HM13: variants seen among roughly 807,000 people sequenced by gnomAD.
HM13 encodes the protein histocompatibility minor 13.
HM13 carries 18 observed loss-of-function variants against 50.0 expected under a neutral mutation model. The observed-to-expected ratio is 0.36, with a 90% CI of 0.25 to 0.53. The LOEUF is 0.53. Among genes scored for constraint, HM13 ranks in the 20% least tolerant of loss-of-function variants. The pLI is 0.90. For synonymous variants in HM13, 197 were observed against 232.6 expected, an observed-to-expected ratio of 0.85 and a Z score of 1.39; for missense variants, 393 against 552.4, an observed-to-expected ratio of 0.71 and a Z score of 2.89.
intron 3 of HM13, among the ~76,000 whole-genome samples, chr20:31,542,020 T>C (rs1383354890): frequency 1.3e-5 from 2 of 152,220 alleles, no homozygotes; most frequent in Non-Finnish European, 2.9e-5. Context: ...GCTGGCCACC[T>C]CCTGCCATTG....
chr20:31,524,001 C>G (rs1982334357), intron 1 of HM13, among the ~76,000 whole-genome samples: 1 of 152,220 alleles, frequency 6.6e-6, no homozygotes, highest in South Asian at 2.1e-4. Context: ...CTCACCTCTC[C>G]CTGATAGTCA....
At chr20:31,520,939 G>A (rs1051624004) in intron 1 of HM13, among the ~76,000 whole-genome samples, 5 of 152,184 alleles carry the variant, frequency 3.3e-5, no homozygotes, top group Non-Finnish European at 7.3e-5. Context: ...ATGGCTTGAA[G>A]CAGGCATCTG....
chr20:31,550,233 C>T, intron 7 of HM13, 112 bp downstream of exon 7: 2 of 776,594 alleles, frequency 2.6e-6, no homozygotes, highest in East Asian at 4.9e-5. Context: ...GTACCTCTTC[C>T]TCCTGTGGCT....
At chr20:31,518,952 CA>C (rs1174950902) in intron 1 of HM13, among the ~76,000 whole-genome samples, 4 of 152,092 alleles carry the variant, frequency 2.6e-5, no homozygotes, top group African/African-American at 9.6e-5. Context: ...TCAAAAGGTA[CA>C]AAGGGGTGCA....
At chr20:31,529,193 C>T (rs1334532699) in intron 2 of HM13, among the ~76,000 whole-genome samples, 2 of 150,712 alleles carry the variant, frequency 1.3e-5, no homozygotes. Flanking sequence ...TCCTTGGCCT[C>T]CTGAAGCACT....
At chr20:31,568,401 A>T (rs1985055672) in intron 12 of HM13, 177 bp downstream of exon 12, 1 of 897,328 alleles carries the variant, frequency 1.1e-6, no homozygotes. Context: ...GCTGGGAAGC[A>T]GGACAACCCC....
intron 8 of HM13, among the ~76,000 whole-genome samples, chr20:31,558,317 G>A (rs79645489): frequency 0.011 from 1,612 of 152,112 alleles, 13 homozygotes; most frequent in Middle Eastern, 0.02. Flanking sequence ...CTCCAGCCAC[G>A]CACTGCCACA....
chr20:31,547,925 A>G, intron 4 of HM13: 1 of 1,249,196 alleles, frequency 8.0e-7, no homozygotes, highest in South Asian at 1.2e-5. Flanking sequence ...GGAAAACAGC[A>G]TGCTCTGTGT....
intron 3 of HM13, among the ~76,000 whole-genome samples, chr20:31,544,497 GTCA>G (rs1983608211): frequency 6.6e-6 from 1 of 152,196 alleles, no homozygotes; most frequent in Non-Finnish European, 1.5e-5. Context: ...AGAATGTCAA[GTCA>G]TGGAGTGGGG....
chr20:31,559,446 G>C (rs1406208362), intron 8 of HM13, among the ~76,000 whole-genome samples, 165 bp from the exon 9 acceptor site: 2 of 152,204 alleles, frequency 1.3e-5, no homozygotes, highest in Non-Finnish European at 2.9e-5. Context: ...GTTCTAGGTA[G>C]AGAAATGGGA....
At chr20:31,550,242 C>A in intron 7 of HM13, 121 bp downstream of exon 7, 2 of 753,512 alleles carry the variant, frequency 2.7e-6, no homozygotes, top group Non-Finnish European at 4.8e-6. Context: ...CCTCCTGTGG[C>A]TCCCCAGCCT....
chr20:31,538,938 G>T, intron 3 of HM13: 1 of 410,220 alleles, frequency 2.4e-6, no homozygotes, highest in Non-Finnish European at 3.3e-6. Flanking sequence ...GGTTGCTTTT[G>T]CTTTCACACC....
intron 5 of HM13, 22 bp from the exon 6 acceptor site, chr20:31,549,185 T>C (rs1204194027): frequency 6.2e-7 from 1 of 1,614,040 alleles, no homozygotes; most frequent in Non-Finnish European, 8.5e-7. Context: ...AGCAAGCTGG[T>C]CTCACTCCCC....
intron 2 of HM13, among the ~76,000 whole-genome samples, chr20:31,534,786 G>GA (rs1224249357): frequency 4.8e-5 from 7 of 147,308 alleles, no homozygotes; most frequent in African/African-American, 1.0e-4. Context: ...TGTTTCGAAA[G>GA]AAAAAAAAGA....
chr20:31,521,263 C>G (rs527904315), intron 1 of HM13, among the ~76,000 whole-genome samples: 2 of 152,126 alleles, frequency 1.3e-5, no homozygotes, highest in South Asian at 4.1e-4. Context: ...CCGAAATTTC[C>G]AGATAGGAAA....
chr20:31,548,949 G>T (rs760830612), intron 4 of HM13, 80 bp from the exon 5 acceptor site: 1 of 1,226,424 alleles, frequency 8.2e-7, no homozygotes, highest in Non-Finnish European at 1.2e-6. Flanking sequence ...CCACAGCCAT[G>T]CCCTCCTCCG....
In HM13 at chr20:31,546,754, C is replaced by CA. The variant is rs542344354; in HGVS notation, c.454+1735dup. Among the ~76,000 whole-genome samples, 1,015 of 116,746 alleles carry CA rather than the reference C, an allele frequency of 8.7e-3. 9 individuals carry two copies. Among genetic ancestry groups the CA allele is most frequent in the East Asian group, 0.023 (81 of 3,510 alleles). 76.6% of individuals were successfully genotyped at this position (116,746 alleles called of 152,430 possible). The stretch of plus-strand genomic sequence containing the variant: ...AGGGCGACAGAGTGAGACCCTGTCT[C>CA]AAAAAAAAAAAAAAAAGACTAAGCT... On this transcript the variant is annotated intron_variant, in intron 4 of 12. Coordinates refer to ENST00000398174, the MANE Select transcript of HM13 (RefSeq NM_178581.3).
intron 11 of HM13, chr20:31,567,860 T>C (rs1156953770): frequency 1.9e-5 from 10 of 534,980 alleles, no homozygotes; most frequent in Non-Finnish European, 3.0e-5. Flanking sequence ...AGCATGCTTG[T>C]TCTTCTGCAC....
At chr20:31,547,028 G>A (rs1224346730) in intron 4 of HM13, among the ~76,000 whole-genome samples, 4 of 152,098 alleles carry the variant, frequency 2.6e-5, no homozygotes, top group Non-Finnish European at 5.9e-5. Context: ...ACTGGCCCTC[G>A]GGTCAGGATA....
Sources: gnomAD v4.1 joint callset for allele counts (sites outside exome capture counted in the v4.1 genomes callset) on GRCh38, gnomAD v4.1.1 for gene constraint, MANE v1.5 for transcripts, NCBI Gene and HGNC (gene_info 2026-07-23, HGNC 2026-07-21) for gene names.